Variants in VPS35L observed in about 807,000 individuals in gnomAD.
VPS35L encodes the protein VPS35 endosomal protein-sorting factor-like.
A neutral mutation model predicts 133.0 loss-of-function variants in VPS35L; 83 were observed. The ratio of observed to expected loss-of-function variants is 0.62; its 90% CI spans 0.52 to 0.75. VPS35L has a LOEUF of 0.75. VPS35L is among the 30% of genes least tolerant of loss of function. The pLI is 0.00. For synonymous variants in VPS35L, 423 were observed against 449.9 expected (o/e 0.94, Z 0.76); for missense variants, 1,083 against 1,206.8 (o/e 0.90, Z 1.52).
At chr16:19,696,126 C>T (rs994371805) in intron 29 of VPS35L, among the ~76,000 whole-genome samples, 2 of 152,140 alleles carry the variant, frequency 1.3e-5, no homozygotes, top group East Asian at 1.9e-4. Flanking sequence ...CCTCATGATG[C>T]GCCCGCCTCA....
intron 27 of VPS35L, among the ~76,000 whole-genome samples, chr16:19,671,434 A>C (rs1341940847): frequency 6.7e-6 from 1 of 148,988 alleles, no homozygotes; most frequent in African/African-American, 2.5e-5. Context: ...GCACCACCGC[A>C]CTCCAGCCTG....
At chr16:19,668,441 T>G (rs1567471858) in intron 26 of VPS35L, among the ~76,000 whole-genome samples, 2 of 152,132 alleles carry the variant, frequency 1.3e-5, no homozygotes, top group African/African-American at 4.8e-5. Context: ...CGTCTCCTGT[T>G]GTGCACACAC....
chr16:19,555,703 A>T lies in VPS35L; in HGVS notation c.-27A>T. On this transcript the variant is annotated 5_prime_UTR_variant, in exon 1 of 31. Transcript: ENST00000417362. ...GATGGGAAGCCGAGCAGACGGCCCC[A>T]GAACAAGCGGTCATGTGACTGGGAA... The T allele has an allele frequency of 6.2e-7, 1 of 1,608,808 alleles. No homozygotes were observed. The highest frequency in any genetic ancestry group is 8.5e-7 in the Non-Finnish European group (1 of 1,177,842).
intron 11 of VPS35L, 110 bp from the exon 12 acceptor site, chr16:19,610,211 AT>A (rs779741301): frequency 1.6e-5 from 15 of 909,248 alleles, no homozygotes; most frequent in East Asian, 5.4e-5. Flanking sequence ...CTGAAACTTG[AT>A]TTTTCCCCCC....
chr16:19,672,712 T>C (rs1445273900), intron 27 of VPS35L, among the ~76,000 whole-genome samples: 2 of 152,198 alleles, frequency 1.3e-5, no homozygotes. Context: ...CCCCTTCACT[T>C]GACACTTGAT....
intron 14 of VPS35L, chr16:19,618,107 A>G (rs999369100): frequency 7.5e-6 from 1 of 132,468 alleles, no homozygotes; most frequent in Non-Finnish European, 1.6e-5. Flanking sequence ...AAAAAAAAAA[A>G]GACTGTGATA....
At chr16:19,576,193 A>C (rs383481) in intron 5 of VPS35L, among the ~76,000 whole-genome samples, 144,224 of 146,806 alleles carry the variant, frequency 0.98, 70,876 homozygotes, top group African/African-American at 0.99. Context: ...AAAAAAAAAA[A>C]CAAAGAGGTT....
intron 18 of VPS35L, among the ~76,000 whole-genome samples, chr16:19,632,127 A>G (rs566644499): frequency 7.3e-5 from 11 of 151,562 alleles, no homozygotes; most frequent in African/African-American, 2.7e-4. Context: ...ACACCCCGCT[A>G]ATTTTATGTA....
intron 22 of VPS35L, among the ~76,000 whole-genome samples, chr16:19,643,111 G>A (rs1973835586): frequency 6.6e-6 from 1 of 152,112 alleles, no homozygotes; most frequent in East Asian, 1.9e-4. Flanking sequence ...AAGATGAACT[G>A]TATTTCTTCT....
chr16:19,603,436 A>G (rs1157966004), intron 9 of VPS35L, among the ~76,000 whole-genome samples: 1 of 152,234 alleles, frequency 6.6e-6, no homozygotes, highest in Admixed American at 6.5e-5. Context: ...GCTCACTAAT[A>G]GTGTTTATGT....
intron 26 of VPS35L, among the ~76,000 whole-genome samples, chr16:19,661,949 G>C (rs1489364420): frequency 6.6e-6 from 1 of 152,128 alleles, no homozygotes; most frequent in Admixed American, 6.6e-5. Flanking sequence ...CAGCAAACTT[G>C]TATTGCCTTT....
chr16:19,591,882 C>A lies in VPS35L; in HGVS notation c.724+8C>A, dbSNP rs775283191. 1.3e-6 allele frequency: 2 copies of A among 1,575,600 alleles called. No homozygotes were observed. The highest frequency in any genetic ancestry group is 2.2e-5 in the South Asian group (2 of 90,224). ...ACATACTTGATACATTTGGTAAGTA[C>A]CTGTCATATGCATCTTAGATCTAGG... On this transcript the variant is annotated splice_region_variant and intron_variant, in intron 8 of 30. Coordinates refer to ENST00000417362, the MANE Select transcript of VPS35L (RefSeq NM_020314.7).
At chr16:19,601,243 C>T (rs1045719944) in intron 8 of VPS35L, among the ~76,000 whole-genome samples, 2 of 152,128 alleles carry the variant, frequency 1.3e-5, no homozygotes, top group Admixed American at 6.5e-5. Context: ...CCAGTTTTTA[C>T]GTGTTGGTAA....
intron 26 of VPS35L, among the ~76,000 whole-genome samples, chr16:19,659,845 T>C (rs764152111): frequency 6.6e-6 from 1 of 152,226 alleles, no homozygotes; most frequent in African/African-American, 2.4e-5. Flanking sequence ...TTCCATGATA[T>C]TGATATTGTC....
chr16:19,622,162 T>C (rs975211226), intron 14 of VPS35L, among the ~76,000 whole-genome samples: 5 of 137,094 alleles, frequency 3.6e-5, no homozygotes, highest in Admixed American at 7.7e-5. Flanking sequence ...TTTTTTTTTT[T>C]AAGACGGAGT....
chr16:19,570,570 A>G (rs1971329728), intron 3 of VPS35L, among the ~76,000 whole-genome samples: 1 of 151,868 alleles, frequency 6.6e-6, no homozygotes, highest in South Asian at 2.1e-4. Flanking sequence ...GTATTTTCAT[A>G]GATACTTGCG....
In VPS35L at chr16:19,610,362, A is replaced by G. The variant is rs1226327402; in HGVS notation, c.970A>G (p.Arg324Gly). The G allele has an allele frequency of 1.2e-6, 2 of 1,614,148 alleles. No homozygotes were observed. The change falls in exon 12 of 31, where the codon AGA (arginine) becomes GGA (glycine). Residue 324 changes from arginine (R) to glycine (G), a missense_variant. Coordinates refer to ENST00000417362, the MANE Select transcript of VPS35L (RefSeq NM_020314.7). The part of the protein sequence containing the change: ...ECLPRLTCMI[R>G]GIGDPLVSVY... ...CCTGCCCCGGTTGACATGCATGATC[A>G]GAGGGATCGGAGACCCACTAGTGTC... is the stretch of plus-strand genomic sequence containing the variant.
Position 19,616,732 on chromosome 16 carries a change from A to C in VPS35L, c.1148A>C (p.Glu383Ala). Residue 383 changes from glutamate (E) to alanine (A), a missense_variant, in exon 14 of 31, where the codon GAG becomes GCG. Transcript: ENST00000417362. ...VQNQLVVQGV[E>A]LPSYLPLYPP... Reference sequence around the variant, plus strand: ...AACCAGCTGGTGGTCCAAGGAGTGGAGCTCCCATCTTACCTCCCCTTGTAC... The same window carrying C: ...AACCAGCTGGTGGTCCAAGGAGTGGCGCTCCCATCTTACCTCCCCTTGTAC... 6.2e-7 allele frequency: 1 copy of C among 1,613,888 alleles called. No individual in the cohort carries two copies. The highest frequency in any genetic ancestry group is 8.5e-7 in the Non-Finnish European group (1 of 1,179,972).
At chr16:19,645,336 C>A (rs1313610012) in intron 23 of VPS35L, among the ~76,000 whole-genome samples, 3 of 148,134 alleles carry the variant, frequency 2.0e-5, no homozygotes, top group Non-Finnish European at 4.4e-5. Flanking sequence ...GTCGCCCAGG[C>A]TGGAGTGCAG....
Sources: allele counts gnomAD v4.1 joint callset (sites outside exome capture counted in the v4.1 genomes callset), GRCh38; gene constraint gnomAD v4.1.1; transcripts MANE v1.5; gene names NCBI Gene and HGNC (gene_info 2026-07-23, HGNC 2026-07-21).